The following MED13L variants were observed in gnomAD, a reference collection of about 807,000 sequenced individuals.
MED13L encodes the protein mediator of RNA polymerase II transcription subunit 13-like.
A neutral mutation model predicts 220.9 loss-of-function variants in MED13L; 7 were observed. That is an observed-to-expected ratio of 0.03 (90% CI 0.02 to 0.06). The LOEUF (loss-of-function observed/expected upper bound fraction) is 0.06, where lower values mean the gene tolerates loss of function less well. MED13L is among the 10% of genes least tolerant of loss of function. The pLI is 1.00. For synonymous variants in MED13L, 1,011 were observed against 1,015.2 expected, an observed-to-expected ratio of 1.00 and a Z score of 0.08; for missense variants, 1,965 against 2,760.5, an observed-to-expected ratio of 0.71 and a Z score of 6.46.
chr12:116,061,517 A>C (rs896391850), intron 4 of MED13L, among the ~76,000 whole-genome samples: 50 of 152,184 alleles, frequency 3.3e-4, no homozygotes, highest in African/African-American at 1.1e-3. Context: ...TACCTCATAG[A>C]TATATAAACA....
At chr12:116,076,427 C>T (rs184577267) in intron 4 of MED13L, among the ~76,000 whole-genome samples, 1 of 152,174 alleles carries the variant, frequency 6.6e-6, no homozygotes, top group East Asian at 1.9e-4. Flanking sequence ...GTCTCTGTTA[C>T]TTAGGAGGCT....
chr12:116,249,436 C>T (rs1395233654), intron 1 of MED13L, among the ~76,000 whole-genome samples: 1 of 152,116 alleles, frequency 6.6e-6, no homozygotes, highest in East Asian at 1.9e-4. Flanking sequence ...CAACAACACT[C>T]ACAATGTCCA....
intron 2 of MED13L, among the ~76,000 whole-genome samples, chr12:116,125,019 T>C (rs1224288799): frequency 6.6e-6 from 1 of 152,250 alleles, no homozygotes; most frequent in Non-Finnish European, 1.5e-5. Context: ...TTTTTTAAGC[T>C]TTCTACAACA....
At chr12:116,055,394 G>A (rs1868867765) in intron 4 of MED13L, among the ~76,000 whole-genome samples, 1 of 152,152 alleles carries the variant, frequency 6.6e-6, no homozygotes, top group African/African-American at 2.4e-5. Context: ...GTGCAACTCA[G>A]AAGAAAAAGC....
chr12:116,083,404 GAA>G (rs61301423), intron 4 of MED13L, among the ~76,000 whole-genome samples: 8,828 of 79,336 alleles, frequency 0.11, 567 homozygotes, highest in African/African-American at 0.27. Context: ...TGTCTCGAGG[GAA>G]AAAAAAAAAA....
chr12:116,071,598 T>C (rs997559564), intron 4 of MED13L, among the ~76,000 whole-genome samples: 3 of 152,210 alleles, frequency 2.0e-5, no homozygotes, highest in Non-Finnish European at 2.9e-5. Context: ...CAGATACTCT[T>C]GTTAAAGACC....
chr12:116,018,102 TTTA>T (rs1190576866), intron 7 of MED13L, among the ~76,000 whole-genome samples: 2 of 152,174 alleles, frequency 1.3e-5, no homozygotes, highest in African/African-American at 4.8e-5. Flanking sequence ...TGTATATGAC[TTTA>T]TTGTTTACCA....
chr12:116,087,946 C>T (rs972235238), intron 4 of MED13L, among the ~76,000 whole-genome samples: 2 of 152,106 alleles, frequency 1.3e-5, no homozygotes, highest in African/African-American at 4.8e-5. Flanking sequence ...ATCAGGTTCC[C>T]CATCCAGTAG....
chr12:116,135,903 C>CTT (rs772070607), intron 2 of MED13L, among the ~76,000 whole-genome samples: 17 of 139,896 alleles, frequency 1.2e-4, no homozygotes, highest in African/African-American at 1.8e-4. Flanking sequence ...CAAAGATTCC[C>CTT]TTTTTTTTTT....
At chr12:116,238,946 T>C (rs1870355651) in intron 1 of MED13L, among the ~76,000 whole-genome samples, 1 of 152,032 alleles carries the variant, frequency 6.6e-6, no homozygotes, top group African/African-American at 2.4e-5. Flanking sequence ...AATACCAAAA[T>C]TAGCCGGGCG....
intron 2 of MED13L, 31 bp downstream of exon 2, chr12:116,237,437 A>G (rs1202238700): frequency 1.3e-6 from 2 of 1,511,782 alleles, no homozygotes; most frequent in South Asian, 2.2e-5. Flanking sequence ...TATGATGCAA[A>G]TAATTTTTAA....
intron 27 of MED13L, among the ~76,000 whole-genome samples, 199 bp from the exon 28 acceptor site, chr12:115,969,296 A>G (rs1565984198): frequency 6.6e-6 from 1 of 152,218 alleles, no homozygotes; most frequent in Non-Finnish European, 1.5e-5. Flanking sequence ...TACTCTCTCC[A>G]ATGATCTCCT....
chr12:116,269,056 G>A (rs1031393674), intron 1 of MED13L, among the ~76,000 whole-genome samples: 1 of 151,902 alleles, frequency 6.6e-6, no homozygotes, highest in Non-Finnish European at 1.5e-5. Context: ...TAGGTTTTTT[G>A]GTTGTTTTTG....
intron 3 of MED13L, among the ~76,000 whole-genome samples, chr12:116,100,514 C>T (rs1450243931): frequency 6.7e-6 from 1 of 149,470 alleles, no homozygotes; most frequent in South Asian, 2.1e-4. Flanking sequence ...GCAAGAGAAT[C>T]GCTTGAACCC....
At chr12:116,186,787 G>A (rs1206080229) in intron 2 of MED13L, among the ~76,000 whole-genome samples, 4 of 152,184 alleles carry the variant, frequency 2.6e-5, no homozygotes, top group Non-Finnish European at 4.4e-5. Context: ...AAACACTGAA[G>A]AGCACAGATC....
At chr12:115,965,976 G>A in intron 29 of MED13L, 106 bp downstream of exon 29, 2 of 1,369,008 alleles carry the variant, frequency 1.5e-6, no homozygotes, top group East Asian at 4.6e-5. Context: ...GAGAAAAAAG[G>A]AACAGAATAA....
intron 2 of MED13L, among the ~76,000 whole-genome samples, chr12:116,235,523 T>G (rs1231343838): frequency 6.6e-6 from 1 of 152,196 alleles, no homozygotes; most frequent in East Asian, 1.9e-4. Context: ...CTCCATATGA[T>G]GACTGTTTTC....
chr12:116,143,333 A>C, intron 2 of MED13L, among the ~76,000 whole-genome samples: 1 of 149,752 alleles, frequency 6.7e-6, no homozygotes, highest in South Asian at 2.1e-4. Flanking sequence ...CTTGTCTCAA[A>C]AAAAAAAAAA....
At chr12:116,085,478 TTA>T (rs1871571083) in intron 4 of MED13L, among the ~76,000 whole-genome samples, 2 of 152,336 alleles carry the variant, frequency 1.3e-5, no homozygotes, top group South Asian at 4.1e-4. Context: ...AATTTTTGTT[TTA>T]TGTTAGATTA....
Sources: gnomAD v4.1 joint callset for allele counts (sites outside exome capture counted in the v4.1 genomes callset) on GRCh38, gnomAD v4.1.1 for gene constraint, MANE v1.5 for transcripts, NCBI Gene and HGNC (gene_info 2026-07-23, HGNC 2026-07-21) for gene names.